The following TENM4 variants were observed in gnomAD, a reference collection of about 807,000 sequenced individuals.
TENM4 encodes the protein teneurin-4.
Under a neutral mutation model 243.3 loss-of-function variants are expected in TENM4, and 82 were observed. The ratio of observed to expected loss-of-function variants is 0.34; its 90% CI spans 0.28 to 0.40. The LOEUF (loss-of-function observed/expected upper bound fraction) is 0.40. TENM4 is among the 10% of genes least tolerant of loss of function. TENM4 has a pLI of 1.00. For missense variants in TENM4, 3,138 were observed against 3,673.3 expected (o/e 0.85, Z 3.77); for synonymous variants, 1,412 against 1,456.3 (o/e 0.97, Z 0.69).
chr11:79,191,301 G>GT (rs1457331452), intron 3 of TENM4, among the ~76,000 whole-genome samples: 16 of 140,576 alleles, frequency 1.1e-4, no homozygotes, highest in Middle Eastern at 3.3e-3. Flanking sequence ...TGGTTTTCGT[G>GT]TTTTTTTGGT....
At chr11:78,927,679 A>G (rs539573184) in intron 6 of TENM4, among the ~76,000 whole-genome samples, 1 of 152,284 alleles carries the variant, frequency 6.6e-6, no homozygotes, top group African/African-American at 2.4e-5. Flanking sequence ...TGTTAAGGCA[A>G]AGGGCTCTTC....
chr11:79,003,867 C>A (rs533409490), intron 6 of TENM4, among the ~76,000 whole-genome samples: 2 of 152,158 alleles, frequency 1.3e-5, no homozygotes, highest in South Asian at 4.1e-4. Flanking sequence ...CAAGACCCAA[C>A]TGTATGTTGT....
At chr11:79,063,965 A>C (rs1242510774) in intron 6 of TENM4, among the ~76,000 whole-genome samples, 1 of 151,872 alleles carries the variant, frequency 6.6e-6, no homozygotes, top group East Asian at 1.9e-4. Context: ...CTTTCTTTTT[A>C]TTTTTAATAG....
intron 2 of TENM4, among the ~76,000 whole-genome samples, chr11:79,294,002 G>T (rs1459965110): frequency 6.6e-6 from 1 of 152,216 alleles, no homozygotes; most frequent in African/African-American, 2.4e-5. Flanking sequence ...GATGGCTTAT[G>T]CTGTCTCCAG....
chr11:79,194,628 G>A (rs1279441856), intron 3 of TENM4, among the ~76,000 whole-genome samples: 1 of 152,174 alleles, frequency 6.6e-6, no homozygotes, highest in Non-Finnish European at 1.5e-5. Flanking sequence ...GAACTTGAGA[G>A]AGATGATTTA....
intron 4 of TENM4, among the ~76,000 whole-genome samples, chr11:79,140,025 G>A (rs1862256459): frequency 6.6e-6 from 1 of 151,166 alleles, no homozygotes; most frequent in Non-Finnish European, 1.5e-5. Flanking sequence ...TCTCAGGCAT[G>A]GTCTCTTATT....
At chr11:79,193,660 C>T (rs1036312011) in intron 3 of TENM4, among the ~76,000 whole-genome samples, 3 of 152,168 alleles carry the variant, frequency 2.0e-5, no homozygotes, top group Non-Finnish European at 4.4e-5. Flanking sequence ...CTGACACTTA[C>T]CAAAGAGTGA....
At chr11:78,879,932 G>A (rs1859385577) in intron 9 of TENM4, among the ~76,000 whole-genome samples, 1 of 152,186 alleles carries the variant, frequency 6.6e-6, no homozygotes, top group African/African-American at 2.4e-5. Context: ...GCCCCATCTG[G>A]GAGGTGTACC....
rs1401851543 is a variant in TENM4, at chr11:78,669,147, T to A, written c.7198A>T (p.Ile2400Leu). The A allele has an allele frequency of 2.5e-6, 4 of 1,613,712 alleles. No homozygotes were observed. Among genetic ancestry groups the A allele is most frequent in the Non-Finnish European group, 2.5e-6 (3 of 1,179,812 alleles). Reference sequence around the variant, plus strand: ...TCATAGAGGCCACCATGGTAGCCTATGATGATCTGAAAGTTGGGGTTGGTA... The same window carrying A: ...TCATAGAGGCCACCATGGTAGCCTAAGATGATCTGAAAGTTGGGGTTGGTA... The part of the protein sequence containing the change: ...MDTNPNFQII[I>L]GYHGGLYDPL... The change falls in exon 32 of 34, where the codon ATA becomes TTA. Residue 2400 changes from isoleucine (I) to leucine (L), a missense_variant. Physicochemically the swap from Ile to Leu is conservative, Grantham distance 5 (BLOSUM62 2). Transcript: ENST00000278550. The surrounding 1 kb of genome is among the most constrained non-coding windows in gnomAD (Gnocchi z 6.4).
intron 6 of TENM4, among the ~76,000 whole-genome samples, chr11:78,984,242 T>G (rs80108026): frequency 0.01 from 1,532 of 152,326 alleles, 32 homozygotes; most frequent in African/African-American, 0.034. Flanking sequence ...TCTGCCTTGT[T>G]ACACTCATGT....
At chr11:78,778,408 A>G (rs1373934452) in intron 17 of TENM4, among the ~76,000 whole-genome samples, 194 bp downstream of exon 17, 2 of 152,176 alleles carry the variant, frequency 1.3e-5, no homozygotes, top group South Asian at 2.1e-4. Context: ...CACTCCAGGT[A>G]TATCAACCAC....
intron 4 of TENM4, among the ~76,000 whole-genome samples, chr11:79,117,686 T>C (rs1313968990): frequency 6.6e-6 from 1 of 152,246 alleles, no homozygotes; most frequent in African/African-American, 2.4e-5. Context: ...CAACCATCTG[T>C]AGGCAAACCT....
chr11:79,310,530 G>A (rs1487793562), intron 1 of TENM4, among the ~76,000 whole-genome samples: 2 of 152,184 alleles, frequency 1.3e-5, no homozygotes, highest in African/African-American at 4.8e-5. Flanking sequence ...CTATTTTAGA[G>A]GTGGCTGAAT....
chr11:78,835,109 C>T (rs1858072432), intron 12 of TENM4, among the ~76,000 whole-genome samples: 1 of 152,084 alleles, frequency 6.6e-6, no homozygotes, highest in Non-Finnish European at 1.5e-5. Context: ...AGTGGGACTC[C>T]AGGGCGGTGA....
intron 4 of TENM4, among the ~76,000 whole-genome samples, chr11:79,135,335 T>TA (rs1236892840): frequency 1.4e-4 from 20 of 145,904 alleles, no homozygotes; most frequent in East Asian, 8.0e-4. Context: ...AATCAAAAAA[T>TA]AAAAAAAAAA....
intron 4 of TENM4, among the ~76,000 whole-genome samples, chr11:79,085,952 T>A (rs914777354): frequency 3.3e-5 from 5 of 152,080 alleles, no homozygotes; most frequent in African/African-American, 1.2e-4. Context: ...CTATGTACAG[T>A]CACCAATATT....
chr11:79,365,344 T>TA (rs2135499705), intron 1 of TENM4, among the ~76,000 whole-genome samples: 2 of 152,242 alleles, frequency 1.3e-5, no homozygotes, highest in South Asian at 2.1e-4. Context: ...TCATGGCCCC[T>TA]AAAAAATCAG....
In TENM4 at chr11:78,732,544, G is replaced by T. The variant is rs972960873; in HGVS notation, c.2910C>A (p.Ile970=). 1.1e-5 allele frequency: 18 copies of T among 1,607,974 alleles called. No homozygotes were observed. Among genetic ancestry groups the T allele is most frequent in the Admixed American group, 1.7e-5 (1 of 59,810 alleles). The part of the protein sequence containing the change: ...FDLVTNGGIS[I]ILRFERAPFI... ...AAGGTGCCCGCTCGAACCGCAGGAT[G>T]ATGGAGATGCCGCCATTTGTCACCA... The change falls in exon 21 of 34, where the codon ATC becomes ATA. Residue 970 remains isoleucine (I), a synonymous_variant. Coordinates refer to ENST00000278550, the MANE Select transcript of TENM4 (RefSeq NM_001098816.3).
At chr11:79,366,827 A>G (rs771928360) in intron 1 of TENM4, among the ~76,000 whole-genome samples, 5 of 152,204 alleles carry the variant, frequency 3.3e-5, no homozygotes, top group African/African-American at 4.8e-5. Flanking sequence ...TAAACAGTGG[A>G]TGGATCAATG....
Sources: allele counts gnomAD v4.1 joint callset (sites outside exome capture counted in the v4.1 genomes callset), GRCh38; gene constraint gnomAD v4.1.1; non-coding constraint Gnocchi (gnomAD v3.1); transcripts MANE v1.5; gene names NCBI Gene and HGNC (gene_info 2026-07-23, HGNC 2026-07-21).